LARGE1: variants seen among roughly 807,000 people sequenced by gnomAD.
LARGE1 encodes xylosyl- and glucuronyltransferase LARGE1.
In LARGE1, 43 loss-of-function variants were observed where a neutral mutation model predicts 87.6. That is an observed-to-expected ratio of 0.49 (90% confidence interval 0.38 to 0.63). The LOEUF (loss-of-function observed/expected upper bound fraction) is 0.63. Ranked by LOEUF, LARGE1 falls within the 30% of genes least tolerant of loss-of-function variation. LARGE1 has a pLI of 0.00. For synonymous variants in LARGE1, 434 were observed against 394.6 expected, an observed-to-expected ratio of 1.10 and a Z score of -1.18; for missense variants, 802 against 1,000.2, an observed-to-expected ratio of 0.80 and a Z score of 2.67.
intron 2 of LARGE1, chr22:33,724,332 CA>C (rs1486825646): frequency 2.0e-5 from 3 of 152,438 alleles, no homozygotes; most frequent in African/African-American, 7.2e-5. Context: ...GAGCATGAGA[CA>C]GGGGTGAAAA....
At chr22:33,146,850 T>G in the LARGE1 span, among the ~76,000 whole-genome samples, 1 of 152,290 alleles carries the variant, frequency 6.6e-6, no homozygotes, top group South Asian at 2.1e-4. Context: ...AGTCAATGTA[T>G]AAAACATTTC....
chr22:33,524,642 C>T lies in LARGE1; in HGVS notation c.787+40206G>A, dbSNP rs2071791626. The stretch of plus-strand genomic sequence containing the variant: ...GAGGGTTTGGAGTAAGCCCTCTTTT[C>T]CCACTCCAACATGAGTGTGAGAAAG... On this transcript the variant is annotated intron_variant, in intron 6 of 14. Coordinates refer to ENST00000397394, the MANE Select transcript of LARGE1 (RefSeq NM_133642.5). Among the ~76,000 whole-genome samples, 4 of 152,000 alleles carry T rather than the reference C, an allele frequency of 2.6e-5. No homozygotes were observed. The South Asian group carries it at 6.2e-4, about 24-fold the overall frequency.
intron 2 of LARGE1, among the ~76,000 whole-genome samples, chr22:33,745,563 C>G (rs183318898): frequency 6.6e-6 from 1 of 152,250 alleles, no homozygotes; most frequent in South Asian, 2.1e-4. Context: ...CCCCAAACTG[C>G]GCTCAAGTGA....
chr22:33,505,685 C>T (rs899056164), intron 6 of LARGE1, among the ~76,000 whole-genome samples: 3 of 152,108 alleles, frequency 2.0e-5, no homozygotes, highest in East Asian at 1.9e-4. Context: ...GCGAGTTCCC[C>T]GTCACTGGGG....
At chr22:33,829,291 G>A (rs1228448718) in intron 1 of LARGE1, among the ~76,000 whole-genome samples, 1 of 152,052 alleles carries the variant, frequency 6.6e-6, no homozygotes, top group Non-Finnish European at 1.5e-5. Flanking sequence ...TTACAGGTGT[G>A]AGCCACCGCA....
chr22:33,743,290 G>A (rs2083957424), intron 2 of LARGE1: 1 of 152,148 alleles, frequency 6.6e-6, no homozygotes, highest in African/African-American at 2.4e-5. Flanking sequence ...ACCCAGGTAG[G>A]AGCGTGTTGG....
chr22:33,447,497 G>A (rs1243662665), intron 6 of LARGE1, among the ~76,000 whole-genome samples: 1 of 152,192 alleles, frequency 6.6e-6, no homozygotes, highest in African/African-American at 2.4e-5. Context: ...CGGAAGGAAG[G>A]GGCACAGTGG....
At chr22:33,157,959 A>G (rs183731142), downstream of LARGE1, among the ~76,000 whole-genome samples, 59 of 152,328 alleles carry the variant, frequency 3.9e-4, no homozygotes, top group Non-Finnish European at 6.5e-4. Flanking sequence ...TCAGATTTAC[A>G]TGAATAAATG....
At chr22:33,495,692 C>A (rs2070080107) in intron 6 of LARGE1, among the ~76,000 whole-genome samples, 1 of 152,186 alleles carries the variant, frequency 6.6e-6, no homozygotes, top group Admixed American at 6.5e-5. Context: ...GCACTCCAGC[C>A]TGAGTCAGAG....
At chr22:33,598,928 A>C (rs1045841761) in intron 5 of LARGE1, among the ~76,000 whole-genome samples, 1 of 152,192 alleles carries the variant, frequency 6.6e-6, no homozygotes, top group Non-Finnish European at 1.5e-5. Context: ...TTCTGGTTCT[A>C]GATTCTTGAG....
intron 2 of LARGE1, among the ~76,000 whole-genome samples, chr22:33,682,307 T>C (rs1356537026): frequency 2.0e-5 from 3 of 152,260 alleles, no homozygotes; most frequent in South Asian, 2.1e-4. Context: ...TCTGTGAAAA[T>C]TGTACCTTGG....
intron 5 of LARGE1, among the ~76,000 whole-genome samples, chr22:33,568,383 G>A (rs1003047550): frequency 3.3e-4 from 50 of 152,162 alleles, no homozygotes; most frequent in African/African-American, 1.1e-3. Context: ...TGAGGGTTAC[G>A]GCAAGAGAGG....
intron 2 of LARGE1, among the ~76,000 whole-genome samples, chr22:33,706,998 C>T (rs1244530848): frequency 6.6e-6 from 1 of 152,208 alleles, no homozygotes; most frequent in East Asian, 1.9e-4. Context: ...AGAAAACTAA[C>T]ATATATGTGT....
In LARGE1 at chr22:33,304,383, G is replaced by A. The variant is rs775742985; in HGVS notation, c.1576C>T (p.Arg526Cys). Residue 526 changes from arginine to cysteine, a missense_variant, in exon 12 of 15, where the codon CGC becomes TGC. Coordinates refer to ENST00000397394, the MANE Select transcript of LARGE1 (RefSeq NM_133642.5). ...YAQGSEVLMS[R>C]HNVGYHIVYK... is the part of the protein sequence containing the mutation. ...ACGATGTGGTAGCCCACGTTGTGGC[G>A]GCTCATAAGCACCTCAGAGCCCTGT... 9.3e-6 allele frequency: 15 copies of A among 1,614,136 alleles called. No homozygotes were observed. Among genetic ancestry groups the A allele is most frequent in the African/African-American group, 1.3e-5 (1 of 74,944 alleles).
intron 10 of LARGE1, chr22:33,320,827 G>A (rs527370908): frequency 6.6e-6 from 1 of 152,364 alleles, no homozygotes; most frequent in South Asian, 2.1e-4. Flanking sequence ...GCTGGGTACA[G>A]GTGATTTCCT....
chr22:33,506,857 C>A (rs530505599), intron 6 of LARGE1, among the ~76,000 whole-genome samples: 1 of 152,132 alleles, frequency 6.6e-6, no homozygotes, highest in Non-Finnish European at 1.5e-5. Flanking sequence ...GCCGAGATCA[C>A]GCCATTGTAC....
At chr22:33,737,458 G>A (rs2083696617) in intron 2 of LARGE1, 1 of 152,156 alleles carries the variant, frequency 6.6e-6, no homozygotes, top group Non-Finnish European at 1.5e-5. Context: ...AGCGTTAACT[G>A]CTAATATTAA....
chr22:33,731,292 C>T (rs1045443366), intron 2 of LARGE1, among the ~76,000 whole-genome samples: 7 of 152,056 alleles, frequency 4.6e-5, no homozygotes, highest in African/African-American at 9.6e-5. Flanking sequence ...CATGAGCCAC[C>T]GCACCCAGCC....
chr22:33,452,256 AAAAGG>A (rs2067960787), intron 6 of LARGE1, among the ~76,000 whole-genome samples: 1 of 152,186 alleles, frequency 6.6e-6, no homozygotes, highest in Admixed American at 6.5e-5. Context: ...AGATGCTACA[AAAAGG>A]AAAGGAGATA....
Sources: gnomAD v4.1 joint callset for allele counts (sites outside exome capture counted in the v4.1 genomes callset) on GRCh38, gnomAD v4.1.1 for gene constraint, MANE v1.5 for transcripts, NCBI Gene and HGNC (gene_info 2026-07-23, HGNC 2026-07-21) for gene names.